Variants in TMEM74 observed in about 807,000 individuals in gnomAD.
TMEM74 encodes the protein transmembrane protein 74.
A neutral mutation model predicts 18.1 loss-of-function variants in TMEM74; 13 were observed. The observed-to-expected ratio is 0.72, with a 90% CI of 0.47 to 1.14. TMEM74 has a LOEUF of 1.14. TMEM74 is among the 50% of genes most tolerant of loss of function. TMEM74 has a pLI of 0.00. For synonymous variants in TMEM74, 159 were observed against 146.6 expected (o/e 1.08, Z -0.61); for missense variants, 372 against 375.9 (o/e 0.99, Z 0.09).
At position 108,727,201 on chromosome 8, in the gene TMEM74, T is replaced by C. The variant is rs188266619; in HGVS notation, n.119+60275A>G. ...TTTTGGATTTTTCTCAGAGTCAAATTGGGAGCTTCTGTAAAGTTTTGAGCA... is the reference window on the plus strand; with the variant it reads ...TTTTGGATTTTTCTCAGAGTCAAATCGGGAGCTTCTGTAAAGTTTTGAGCA... On this transcript the variant is annotated intron_variant and non_coding_transcript_variant, in intron 1 of 3. Coordinates refer to the TMEM74 transcript ENST00000518838. 1.1e-4 allele frequency among the ~76,000 whole-genome samples: 17 copies of C among 152,210 alleles called. No homozygotes were observed. In the East Asian group the frequency reaches 2.7e-3, roughly 24 times the overall value.
intron 1 of TMEM74, among the ~76,000 whole-genome samples, chr8:108,693,697 C>G (rs1369332645): frequency 6.6e-6 from 1 of 152,194 alleles, no homozygotes; most frequent in Non-Finnish European, 1.5e-5. Flanking sequence ...GTGAAAGCAG[C>G]AACCTATTCA....
At chr8:108,736,179 C>T (rs2130642812) in intron 1 of TMEM74, among the ~76,000 whole-genome samples, 1 of 152,184 alleles carries the variant, frequency 6.6e-6, no homozygotes, top group South Asian at 2.1e-4. Flanking sequence ...ATCTTCACCA[C>T]CAACCTAGCA....
At chr8:108,743,206 G>C (rs1157322781) in intron 1 of TMEM74, among the ~76,000 whole-genome samples, 1 of 152,150 alleles carries the variant, frequency 6.6e-6, no homozygotes, top group Non-Finnish European at 1.5e-5. Context: ...ACCTGATGTT[G>C]TTTACTGTAC....
chr8:108,609,348 T>C (rs1363294984), intron 2 of TMEM74, among the ~76,000 whole-genome samples: 1 of 152,242 alleles, frequency 6.6e-6, no homozygotes, highest in Non-Finnish European at 1.5e-5. Flanking sequence ...TAAGTTAAAC[T>C]ATTCTTAAAA....
At chr8:108,708,460 C>T (rs550421113) in intron 1 of TMEM74, among the ~76,000 whole-genome samples, 1 of 152,212 alleles carries the variant, frequency 6.6e-6, no homozygotes, top group Admixed American at 6.5e-5. Context: ...GGAATCACCA[C>T]ACTGCCTTTT....
At chr8:108,630,493 C>G (rs929076372) in intron 2 of TMEM74, among the ~76,000 whole-genome samples, 2 of 152,058 alleles carry the variant, frequency 1.3e-5, no homozygotes, top group Non-Finnish European at 2.9e-5. Context: ...TAGACATGTA[C>G]AGAACTCTCC....
At position 108,635,048 on chromosome 8, in the gene TMEM74, C is replaced by T. The variant is rs557286896; in HGVS notation, n.264+20245G>A. On this transcript the variant is annotated intron_variant and non_coding_transcript_variant, in intron 2 of 3. Coordinates refer to the TMEM74 transcript ENST00000518838. ...GTCCCGATTCTATAGCTTTCCAGTC[C>T]CATGCTGCCACAATTTCAAATGTAT... is the stretch of plus-strand genomic sequence containing the variant. Among the ~76,000 whole-genome samples, 34 of 152,018 alleles carry T rather than the reference C, an allele frequency of 2.2e-4. No individual in the cohort carries two copies. The East Asian group carries it at 6.0e-3, about 27-fold the overall frequency.
At chr8:108,731,978 G>A (rs563709452) in intron 1 of TMEM74, among the ~76,000 whole-genome samples, 47 of 151,400 alleles carry the variant, frequency 3.1e-4, no homozygotes, top group African/African-American at 1.0e-3. Context: ...TAACAGCAGC[G>A]TTTTCTGATC....
intron 1 of TMEM74, among the ~76,000 whole-genome samples, chr8:108,703,858 C>G (rs928643478): frequency 3.3e-5 from 5 of 152,192 alleles, no homozygotes; most frequent in African/African-American, 1.2e-4. Flanking sequence ...CTCTTGACAT[C>G]CTTCTGTACT....
chr8:108,691,876 C>T lies in TMEM74; in HGVS notation n.120-36439G>A, dbSNP rs147878809. ...TTTATCACACAATTAATTTGTTTTT[C>T]CCATGCAGTCCTTGTTTATAGCAAT... is the stretch of plus-strand genomic sequence containing the variant. On this transcript the variant is annotated intron_variant and non_coding_transcript_variant, in intron 1 of 3. Transcript: ENST00000518838. 4.1e-3 allele frequency among the ~76,000 whole-genome samples: 618 copies of T among 152,200 alleles called. 5 individuals carry two copies. Among genetic ancestry groups the T allele is most frequent in the African/African-American group, 0.014 (597 of 41,518 alleles).
chr8:108,660,237 C>G (rs1812886770), intron 1 of TMEM74, among the ~76,000 whole-genome samples: 2 of 152,158 alleles, frequency 1.3e-5, no homozygotes, highest in Non-Finnish European at 2.9e-5. Context: ...CTAAATCTTA[C>G]CATTCTAGCT....
intron 1 of TMEM74, among the ~76,000 whole-genome samples, chr8:108,701,908 A>G (rs1813338666): frequency 6.6e-6 from 1 of 152,222 alleles, no homozygotes; most frequent in Non-Finnish European, 1.5e-5. Context: ...AATTGTTTCT[A>G]AAGTTAATAT....
At chr8:108,631,831 T>C (rs1000584340) in intron 2 of TMEM74, among the ~76,000 whole-genome samples, 2 of 152,050 alleles carry the variant, frequency 1.3e-5, no homozygotes. Flanking sequence ...AATAGAAATG[T>C]TTCTACTTTT....
At chr8:108,728,798 T>C (rs897563532) in intron 1 of TMEM74, among the ~76,000 whole-genome samples, 3 of 152,224 alleles carry the variant, frequency 2.0e-5, no homozygotes, top group Non-Finnish European at 4.4e-5. Context: ...CAGTCTCTTA[T>C]ACATACAGAC....
At chr8:108,678,993 T>C (rs182296521) in intron 1 of TMEM74, among the ~76,000 whole-genome samples, 4,396 of 148,312 alleles carry the variant, frequency 0.03, 115 homozygotes, top group African/African-American at 0.066. Flanking sequence ...TGAGAACATG[T>C]GGTGTTTGGC....
intron 2 of TMEM74, among the ~76,000 whole-genome samples, chr8:108,631,982 C>A (rs1485855078): frequency 6.6e-6 from 1 of 151,978 alleles, no homozygotes; most frequent in African/African-American, 2.4e-5. Context: ...GACATTAGAG[C>A]TTCAACCCAG....
Position 108,730,882 on chromosome 8 carries a change from C to T in TMEM74, n.119+56594G>A, listed in dbSNP as rs535489504. Among the ~76,000 whole-genome samples the T allele has an allele frequency of 3.6e-3, 553 of 152,164 alleles. 4 individuals are homozygous for T. Among genetic ancestry groups the T allele is most frequent in the African/African-American group, 0.012 (517 of 41,506 alleles). ...TCTTGACCTTGTGATCCGCCCGCCT[C>T]GGCTCCCAAAGTGCTGGGATTACAG... On this transcript the variant is annotated intron_variant and non_coding_transcript_variant, in intron 1 of 3. Transcript: ENST00000518838.
At chr8:108,625,303 A>AT (rs1369803152) in intron 2 of TMEM74, among the ~76,000 whole-genome samples, 1 of 152,044 alleles carries the variant, frequency 6.6e-6, no homozygotes, top group Non-Finnish European at 1.5e-5. Context: ...TCAATTCTGC[A>AT]TTTTTTTGAA....
At chr8:108,646,518 T>A in intron 2 of TMEM74, among the ~76,000 whole-genome samples, 1 of 152,150 alleles carries the variant, frequency 6.6e-6, no homozygotes, top group Non-Finnish European at 1.5e-5. Context: ...AGTTCATGAA[T>A]AAGTTCCAAA....
Sources: allele counts gnomAD v4.1 joint callset (sites outside exome capture counted in the v4.1 genomes callset), GRCh38; gene constraint gnomAD v4.1.1; transcripts MANE v1.5; gene names NCBI Gene and HGNC (gene_info 2026-07-23, HGNC 2026-07-21).